Variants in CTNNA3 observed in about 807,000 individuals in gnomAD.
The protein encoded by CTNNA3 is catenin alpha 3.
In CTNNA3, 76 loss-of-function variants were observed where a neutral mutation model predicts 95.7. The observed-to-expected ratio is 0.79, with a 90% CI of 0.66 to 0.96. The LOEUF is 0.96. CTNNA3 is among the 40% of genes least tolerant of loss of function. CTNNA3 has a pLI of 0.00. For synonymous variants in CTNNA3, 431 were observed against 374.4 expected (o/e 1.15, Z -1.74); for missense variants, 1,191 against 1,089.8 (o/e 1.09, Z -1.31).
At chr10:66,766,957 T>C (rs1839884766) in intron 8 of CTNNA3, among the ~76,000 whole-genome samples, 1 of 152,062 alleles carries the variant, frequency 6.6e-6, no homozygotes, top group Non-Finnish European at 1.5e-5. Context: ...CCCATTTGCA[T>C]TCATTGTTCT....
At chr10:66,670,301 G>A (rs534571602) in intron 9 of CTNNA3, among the ~76,000 whole-genome samples, 2 of 152,126 alleles carry the variant, frequency 1.3e-5, no homozygotes, top group South Asian at 2.1e-4. Context: ...TCCAAATCAA[G>A]TTGCTGGCCA....
chr10:66,812,234 A>G (rs1841908826), intron 7 of CTNNA3, among the ~76,000 whole-genome samples: 1 of 152,166 alleles, frequency 6.6e-6, no homozygotes, highest in Non-Finnish European at 1.5e-5. Flanking sequence ...ATTCAATAAT[A>G]CATTGAGGAT....
At chr10:66,994,795 A>G (rs929065558) in intron 7 of CTNNA3, among the ~76,000 whole-genome samples, 2 of 152,240 alleles carry the variant, frequency 1.3e-5, no homozygotes, top group Admixed American at 1.3e-4. Flanking sequence ...ATTATTGTGA[A>G]GAAGTTTTAC....
chr10:66,536,612 G>T (rs1841669500), intron 10 of CTNNA3, among the ~76,000 whole-genome samples: 1 of 151,848 alleles, frequency 6.6e-6, no homozygotes, highest in African/African-American at 2.4e-5. Context: ...AAATACTGAA[G>T]ACTAGTCAAA....
chr10:67,555,986 C>A (rs1841229987), intron 3 of CTNNA3, among the ~76,000 whole-genome samples: 1 of 152,100 alleles, frequency 6.6e-6, no homozygotes, highest in African/African-American at 2.4e-5. Flanking sequence ...TCTGTCGAAG[C>A]CTTTTCTGCA....
intron 5 of CTNNA3, among the ~76,000 whole-genome samples, chr10:67,415,831 G>C (rs963298720): frequency 6.6e-5 from 10 of 152,088 alleles, no homozygotes; most frequent in African/African-American, 2.4e-4. Flanking sequence ...AGAGAACCCA[G>C]AAATAAAGCC....
chr10:66,294,886 C>CAGAGAGAGAG lies in CTNNA3; in HGVS notation c.1733-14275_1733-14266dup, dbSNP rs35664400. On this transcript the variant is annotated intron_variant, in intron 12 of 17. Transcript: ENST00000433211. ...CCAGATACCTATTAGACAGTCAGGA[C>CAGAGAGAGAG]AGAGAGAGAGAGAGAGAGAGAGAGA... Among the ~76,000 whole-genome samples, 255 of 142,484 alleles carry CAGAGAGAGAG rather than the reference C, an allele frequency of 1.8e-3. 1 individual carries two copies. Among genetic ancestry groups the CAGAGAGAGAG allele is most frequent in the African/African-American group, 5.8e-3 (231 of 39,564 alleles). 93.5% of individuals were successfully genotyped at this position (142,484 alleles called of 152,430 possible).
At chr10:67,588,908 G>A (rs1842715185) in intron 3 of CTNNA3, among the ~76,000 whole-genome samples, 1 of 151,618 alleles carries the variant, frequency 6.6e-6, no homozygotes, top group Non-Finnish European at 1.5e-5. Flanking sequence ...AGAATTAAAA[G>A]CAAATCTCTT....
chr10:67,705,180 G>C (rs1322561526), intron 1 of CTNNA3, among the ~76,000 whole-genome samples: 16 of 151,996 alleles, frequency 1.1e-4, no homozygotes, highest in African/African-American at 3.6e-4. Context: ...ACTGTTGGTG[G>C]GACTGTAAAC....
At position 66,069,293 on chromosome 10, in the gene CTNNA3, T is replaced by C. The variant is rs749117441; in HGVS notation, c.2159+15A>G. The C allele has an allele frequency of 5.1e-5, 82 of 1,609,926 alleles. No individual in the cohort carries two copies. In the East Asian group the frequency reaches 1.8e-3, roughly 35 times the overall value. ...AGCCATTATGAATATTACACATCGTTTTCCACATAATTACCTAGTGAAGTC... is the reference window on the plus strand; with the variant it reads ...AGCCATTATGAATATTACACATCGTCTTCCACATAATTACCTAGTGAAGTC... On this transcript the variant is annotated intron_variant, in intron 15 of 17. Transcript: ENST00000433211.
At chr10:66,714,335 C>G (rs1208968015) in intron 9 of CTNNA3, among the ~76,000 whole-genome samples, 2 of 152,098 alleles carry the variant, frequency 1.3e-5, no homozygotes, top group African/African-American at 4.8e-5. Flanking sequence ...CATTCTCTTT[C>G]TCTCTTTCTC....
chr10:66,094,611 T>G (rs1343894521), intron 14 of CTNNA3, among the ~76,000 whole-genome samples: 1 of 152,120 alleles, frequency 6.6e-6, no homozygotes, highest in Non-Finnish European at 1.5e-5. Context: ...TAAAACCATC[T>G]CCTGTTATAA....
In CTNNA3 at chr10:66,219,442, G is replaced by A. The variant is rs1272653292; in HGVS notation, c.1884+61028C>T. 5.3e-5 allele frequency among the ~76,000 whole-genome samples: 8 copies of A among 152,224 alleles called. No homozygotes were observed. The East Asian group carries it at 1.5e-3, about 29-fold the overall frequency. ...AGAATATGACTGAAGTAATAGTATA[G>A]TGTGTCACTGCTGAGATTCAGTTAT... is the stretch of plus-strand genomic sequence containing the variant. On this transcript the variant is annotated intron_variant, in intron 13 of 17. Transcript: ENST00000433211.
At chr10:66,918,817 A>C (rs1416350162) in intron 7 of CTNNA3, among the ~76,000 whole-genome samples, 2 of 151,716 alleles carry the variant, frequency 1.3e-5, no homozygotes, top group Admixed American at 6.6e-5. Flanking sequence ...TAGATAGATA[A>C]ATAGAGAGAG....
At chr10:66,230,635 C>T (rs922345) in intron 13 of CTNNA3, among the ~76,000 whole-genome samples, 122,834 of 151,970 alleles carry the variant, frequency 0.81, 49,970 homozygotes, top group South Asian at 0.94. Flanking sequence ...TTGCCTGTGG[C>T]GGTGACAGGC....
chr10:67,709,960 C>T (rs79569714), intron 1 of CTNNA3, among the ~76,000 whole-genome samples: 2,513 of 152,158 alleles, frequency 0.017, 72 homozygotes, highest in African/African-American at 0.058. Context: ...TTTTAACAGG[C>T]CCCAGCAAAT....
chr10:66,794,300 G>T (rs1030242005), intron 7 of CTNNA3, among the ~76,000 whole-genome samples: 7 of 152,044 alleles, frequency 4.6e-5, no homozygotes, highest in African/African-American at 1.7e-4. Context: ...AGATATTCGG[G>T]TTCAGTTCCA....
At position 66,917,330 on chromosome 10, in the gene CTNNA3, A is replaced by C. The variant is rs1001160836; in HGVS notation, c.1048-141806T>G. On this transcript the variant is annotated intron_variant, in intron 7 of 17. Transcript: ENST00000433211. ...GCAAGAGTATCCTAAGCATTCCCCA[A>C]CATTCTTAAGGGAACTGTTCAACTG... 3.9e-5 allele frequency among the ~76,000 whole-genome samples: 6 copies of C among 152,228 alleles called. No individual in the cohort carries two copies. In the East Asian group the frequency reaches 1.2e-3, roughly 29 times the overall value.
At chr10:67,656,244 C>A (rs1028056300) in intron 1 of CTNNA3, among the ~76,000 whole-genome samples, 7 of 152,108 alleles carry the variant, frequency 4.6e-5, no homozygotes, top group African/African-American at 7.2e-5. Flanking sequence ...AAGAAACTGC[C>A]TGATATCGTA....
Sources: allele counts gnomAD v4.1 joint callset (sites outside exome capture counted in the v4.1 genomes callset), GRCh38; gene constraint gnomAD v4.1.1; transcripts MANE v1.5; gene names NCBI Gene and HGNC (gene_info 2026-07-23, HGNC 2026-07-21).